CCDC7: variants seen among roughly 807,000 people sequenced by gnomAD.
The protein encoded by CCDC7 is coiled-coil domain containing 7.
In CCDC7, 183 loss-of-function variants were observed where a neutral mutation model predicts 196.9. That is an observed-to-expected ratio of 0.93 (90% CI 0.82 to 1.05). The LOEUF (loss-of-function observed/expected upper bound fraction) is 1.05. CCDC7 is among the 50% of genes least tolerant of loss of function. The pLI, the probability that CCDC7 is intolerant of heterozygous loss-of-function variation, is 0.00. For missense variants in CCDC7, 1,540 were observed against 1,482.2 expected, an observed-to-expected ratio of 1.04 and a Z score of -0.64; for synonymous variants, 525 against 484.6, an observed-to-expected ratio of 1.08 and a Z score of -1.10.
At chr10:32,619,495 G>A (rs2063140547) in intron 18 of CCDC7, among the ~76,000 whole-genome samples, 1 of 151,980 alleles carries the variant, frequency 6.6e-6, no homozygotes, top group Non-Finnish European at 1.5e-5. Context: ...TTATTTAGAA[G>A]AATAAAACAT....
chr10:32,782,313 C>T (rs1054288422), intron 29 of CCDC7, among the ~76,000 whole-genome samples: 9 of 151,938 alleles, frequency 5.9e-5, no homozygotes, highest in African/African-American at 1.5e-4. Context: ...CTGCAACCTC[C>T]GCCTCCCAGG....
At chr10:32,763,357 T>C (rs763140295) in intron 28 of CCDC7, among the ~76,000 whole-genome samples, 1 of 151,844 alleles carries the variant, frequency 6.6e-6, no homozygotes, top group African/African-American at 2.4e-5. Flanking sequence ...AAACATAACA[T>C]ATGTTGGTGA....
intron 15 of CCDC7, among the ~76,000 whole-genome samples, chr10:32,570,845 A>G (rs1197610580): frequency 6.6e-6 from 1 of 152,188 alleles, no homozygotes; most frequent in Non-Finnish European, 1.5e-5. Context: ...CCACAGGGGA[A>G]TAAGGATAAA....
intron 23 of CCDC7, among the ~76,000 whole-genome samples, chr10:32,691,649 G>A (rs1036945169): frequency 6.6e-6 from 1 of 152,216 alleles, no homozygotes; most frequent in Non-Finnish European, 1.5e-5. Context: ...CACTCCATCA[G>A]TGATCTTAGA....
At chr10:32,543,647 TAA>T (rs2051899821) in intron 12 of CCDC7, among the ~76,000 whole-genome samples, 1 of 152,092 alleles carries the variant, frequency 6.6e-6, no homozygotes, top group Non-Finnish European at 1.5e-5. Flanking sequence ...ATTAAATCTT[TAA>T]TTTTAGGAAA....
intron 20 of CCDC7, among the ~76,000 whole-genome samples, chr10:32,659,744 C>G (rs990159150): frequency 1.3e-5 from 2 of 152,138 alleles, no homozygotes; most frequent in African/African-American, 4.8e-5. Flanking sequence ...CATCACTGAT[C>G]ATTAGAGAAA....
At chr10:32,684,957 ATT>A (rs34155403) in intron 21 of CCDC7, among the ~76,000 whole-genome samples, 53,433 of 148,534 alleles carry the variant, frequency 0.36, 11,568 homozygotes, top group Non-Finnish European at 0.5. Flanking sequence ...ATTTAATTTA[ATT>A]TTTTTTTTTT....
At chr10:32,834,841 G>A (rs1405340152) in exon 33 of CCDC7, 3 of 1,461,538 alleles carry the variant, frequency 2.1e-6, no homozygotes, top group East Asian at 2.3e-5. Flanking sequence ...CTTGAAAGGT[G>A]TTAATGGAAA....
rs533088881 is a variant in CCDC7 at position 32,705,449 on chromosome 10, A to C, written c.2459-6171A>C. Reference sequence around the variant, plus strand: ...AACCAGCTAACATCAAAATGACAGGATCAAATTCACACATAACAATATTAA... The same window carrying C: ...AACCAGCTAACATCAAAATGACAGGCTCAAATTCACACATAACAATATTAA... On this transcript the variant is annotated intron_variant, in intron 24 of 41. Coordinates refer to ENST00000639629, the Ensembl canonical transcript of CCDC7. 5.9e-5 allele frequency among the ~76,000 whole-genome samples: 9 copies of C among 152,250 alleles called. No homozygotes were observed. The South Asian group carries it at 1.9e-3, about 32-fold the overall frequency.
At chr10:32,589,670 G>T (rs989786393) in intron 18 of CCDC7, among the ~76,000 whole-genome samples, 1 of 152,106 alleles carries the variant, frequency 6.6e-6, no homozygotes, top group Non-Finnish European at 1.5e-5. Flanking sequence ...AACTGTTACT[G>T]TATTTGGGTC....
At chr10:32,842,131 A>G (rs1270293226) in intron 33 of CCDC7, among the ~76,000 whole-genome samples, 1 of 152,142 alleles carries the variant, frequency 6.6e-6, no homozygotes, top group Non-Finnish European at 1.5e-5. Context: ...GCTTCTGCAC[A>G]GCAAAAGAAA....
At chr10:32,710,058 G>A (rs950260007) in intron 24 of CCDC7, among the ~76,000 whole-genome samples, 1 of 152,140 alleles carries the variant, frequency 6.6e-6, no homozygotes, top group African/African-American at 2.4e-5. Flanking sequence ...AAGGGCTTGG[G>A]TGTTCCCTTC....
chr10:32,744,582 A>T (rs1212520899), intron 28 of CCDC7, among the ~76,000 whole-genome samples: 3 of 152,168 alleles, frequency 2.0e-5, no homozygotes, highest in Admixed American at 2.0e-4. Flanking sequence ...TATGTTACAC[A>T]TCTCTTTATA....
At chr10:32,472,942 T>G (rs1264585353) in intron 7 of CCDC7, among the ~76,000 whole-genome samples, 7 of 152,204 alleles carry the variant, frequency 4.6e-5, no homozygotes, top group Non-Finnish European at 1.0e-4. Context: ...ATTTTGAGAC[T>G]TAAAGTTAAA....
At chr10:32,470,624 A>C (rs909308077) in intron 5 of CCDC7, among the ~76,000 whole-genome samples, 1 of 152,156 alleles carries the variant, frequency 6.6e-6, no homozygotes, top group Non-Finnish European at 1.5e-5. Context: ...AGTTCCATAG[A>C]TCTTTATATT....
At chr10:32,547,814 T>C (rs1484926390) in intron 13 of CCDC7, among the ~76,000 whole-genome samples, 2 of 152,154 alleles carry the variant, frequency 1.3e-5, no homozygotes. Flanking sequence ...TTTCCATAAG[T>C]TATTGGGGTC....
chr10:32,491,001 G>T (rs914825153), intron 8 of CCDC7, among the ~76,000 whole-genome samples: 3 of 152,076 alleles, frequency 2.0e-5, no homozygotes, highest in African/African-American at 4.8e-5. Flanking sequence ...GGTTGTACTT[G>T]ATATATTTGG....
chr10:32,590,292 CTGA>C (rs1218024661), intron 18 of CCDC7, among the ~76,000 whole-genome samples: 1 of 151,610 alleles, frequency 6.6e-6, no homozygotes, highest in East Asian at 1.9e-4. Context: ...TTATTTTAAA[CTGA>C]TGATAACTTA....
chr10:32,808,008 G>A (rs1458546680), intron 30 of CCDC7, among the ~76,000 whole-genome samples: 1 of 152,094 alleles, frequency 6.6e-6, no homozygotes, highest in African/African-American at 2.4e-5. Context: ...TATGCAGTGG[G>A]CTGCAGACAC....
Sources: gnomAD v4.1 joint callset for allele counts (sites outside exome capture counted in the v4.1 genomes callset) on GRCh38, gnomAD v4.1.1 for gene constraint, MANE v1.5 for transcripts, NCBI Gene and HGNC (gene_info 2026-07-23, HGNC 2026-07-21) for gene names.